The following LOC128092252 variants were observed in gnomAD, a reference collection of about 807,000 sequenced individuals.
the LOC128092252 span, among the ~76,000 whole-genome samples, chr15:50,664,022 G>A: frequency 2.0e-5 from 3 of 151,932 alleles, no homozygotes; most frequent in Non-Finnish European, 2.9e-5. Context: ...AGATTTGGCC[G>A]CGTGCGGTGG....
At chr15:50,682,173 C>CAAAA in the LOC128092252 span, among the ~76,000 whole-genome samples, 79 of 63,678 alleles carry the variant, frequency 1.2e-3, 2 homozygotes, top group African/African-American at 5.0e-3. Context: ...AACTCAGTCT[C>CAAAA]AAAAAAAAAA....
At chr15:50,681,264 T>TACACACACACACAC in the LOC128092252 span, among the ~76,000 whole-genome samples, 911 of 147,008 alleles carry the variant, frequency 6.2e-3, 13 homozygotes, top group African/African-American at 0.02. Context: ...AATAAATAAA[T>TACACACACACACAC]ACACACACAC....
chr15:50,682,287 G>C, the LOC128092252 span, among the ~76,000 whole-genome samples: 3 of 151,236 alleles, frequency 2.0e-5, no homozygotes, highest in African/African-American at 4.9e-5. Context: ...CCTTTAACAG[G>C]GTTCTAAAAC....
At chr15:50,657,003 A>C in the LOC128092252 span, among the ~76,000 whole-genome samples, 71 of 152,216 alleles carry the variant, frequency 4.7e-4, no homozygotes, top group African/African-American at 1.6e-3. Context: ...CTTCCAATCC[A>C]ATCTAAAAAT....
the LOC128092252 span, among the ~76,000 whole-genome samples, chr15:50,675,740 C>T: frequency 6.6e-6 from 1 of 152,166 alleles, no homozygotes; most frequent in East Asian, 1.9e-4. Context: ...AGGTGGCAAA[C>T]TACAAACACA....
At chr15:50,655,497 A>G in the LOC128092252 span, among the ~76,000 whole-genome samples, 1 of 151,964 alleles carries the variant, frequency 6.6e-6, no homozygotes, top group Admixed American at 6.6e-5. Context: ...GAACGTGCAA[A>G]TATTTACGCA....
chr15:50,678,969 G>A, the LOC128092252 span, among the ~76,000 whole-genome samples: 3,085 of 152,238 alleles, frequency 0.02, 121 homozygotes, highest in African/African-American at 0.071. Flanking sequence ...CACCTCCTGG[G>A]TTCAAGAGAT....
the LOC128092252 span, among the ~76,000 whole-genome samples, chr15:50,659,349 G>A: frequency 2.0e-5 from 3 of 152,146 alleles, no homozygotes; most frequent in Non-Finnish European, 4.4e-5. Context: ...CCAAGGAATG[G>A]ATAACATCAG....
chr15:50,652,679 T>C, the LOC128092252 span, among the ~76,000 whole-genome samples: 1 of 152,060 alleles, frequency 6.6e-6, no homozygotes, highest in South Asian at 2.1e-4. Context: ...CATTTCCCAA[T>C]TCATTTCATG....
At chr15:50,662,349 G>T in the LOC128092252 span, among the ~76,000 whole-genome samples, 2 of 149,446 alleles carry the variant, frequency 1.3e-5, no homozygotes, top group African/African-American at 4.9e-5. Context: ...AAGGTAAAAA[G>T]AATAATTTTG....
chr15:50,654,954 C>T, the LOC128092252 span, among the ~76,000 whole-genome samples: 11 of 142,660 alleles, frequency 7.7e-5, no homozygotes, highest in South Asian at 1.8e-3. Flanking sequence ...TGAGCTGAGA[C>T]TGCGCCACTG....
chr15:50,657,924 G>C, the LOC128092252 span: 1 of 774,216 alleles, frequency 1.3e-6, no homozygotes, highest in South Asian at 2.0e-5. Context: ...TATATACCTA[G>C]TTTAATTTTT....
chr15:50,672,456 T>C, the LOC128092252 span, among the ~76,000 whole-genome samples: 9 of 151,848 alleles, frequency 5.9e-5, no homozygotes, highest in South Asian at 1.9e-3. Context: ...ACAACTCCAT[T>C]CATGTTATTG....
chr15:50,658,558 C>T, the LOC128092252 span, among the ~76,000 whole-genome samples: 4 of 145,206 alleles, frequency 2.8e-5, no homozygotes, highest in East Asian at 2.0e-4. Context: ...GGCGAAAGAG[C>T]GAGAAACTGT....
chr15:50,680,350 G>A, the LOC128092252 span, among the ~76,000 whole-genome samples: 1 of 152,108 alleles, frequency 6.6e-6, no homozygotes, highest in Non-Finnish European at 1.5e-5. Context: ...AGGCCAGCCT[G>A]AGCAACATGC....
the LOC128092252 span, among the ~76,000 whole-genome samples, chr15:50,651,597 T>C: frequency 6.6e-6 from 1 of 152,020 alleles, no homozygotes; most frequent in Non-Finnish European, 1.5e-5. Flanking sequence ...AGGAATTCAA[T>C]ATTAGCCTGG....
At chr15:50,674,699 T>C in the LOC128092252 span, among the ~76,000 whole-genome samples, 1 of 152,222 alleles carries the variant, frequency 6.6e-6, no homozygotes, top group Non-Finnish European at 1.5e-5. Context: ...AGAAATTCTG[T>C]TAGCATTTCT....
the LOC128092252 span, among the ~76,000 whole-genome samples, chr15:50,672,927 C>CAAAAA: frequency 9.0e-6 from 1 of 111,448 alleles, no homozygotes; most frequent in African/African-American, 3.4e-5. Flanking sequence ...AAAAAAAAAG[C>CAAAAA]TTATAGAATA....
At chr15:50,672,898 CAAAAAAAAAAAAAAAA>C in the LOC128092252 span, among the ~76,000 whole-genome samples, 1 of 26,218 alleles carries the variant, frequency 3.8e-5, no homozygotes, top group Non-Finnish European at 7.0e-5. Context: ...GACTCTGTCT[CAAAAAAAAAAAAAAAA>C]AAAAAAAAAA....
Sources: gnomAD v4.1 joint callset for allele counts (sites outside exome capture counted in the v4.1 genomes callset) on GRCh38, gnomAD v4.1.1 for gene constraint, MANE v1.5 for transcripts.